Variants in CADPS observed in about 807,000 individuals in gnomAD.
CADPS encodes calcium-dependent secretion activator 1.
CADPS carries 57 observed loss-of-function variants against 167.3 expected under a neutral mutation model. The ratio of observed to expected loss-of-function variants is 0.34; its 90% confidence interval spans 0.28 to 0.42. CADPS has a LOEUF of 0.42. Ranked by LOEUF, CADPS falls within the 20% of genes least tolerant of loss-of-function variation. The probability of loss-of-function intolerance (pLI) is 1.00; values close to 1 mark genes in which losing one functional copy is unlikely to be tolerated. For missense variants in CADPS, 1,414 were observed against 1,738.1 expected (o/e 0.81, Z 3.32); for synonymous variants, 676 against 635.3 (o/e 1.06, Z -0.96).
chr3:62,820,303 G>A lies in CADPS; in HGVS notation c.441+54286C>T, dbSNP rs555269287. Among the ~76,000 whole-genome samples, 6 of 152,226 alleles carry A rather than the reference G, an allele frequency of 3.9e-5. No individual in the cohort carries two copies. The East Asian group carries it at 1.2e-3, about 29-fold the overall frequency. ...TAGCTACTGTGAATTTTCAGTAAGGGAGATAGCACTTTTCTGAAATATTCC... is the reference window on the plus strand; with the variant it reads ...TAGCTACTGTGAATTTTCAGTAAGGAAGATAGCACTTTTCTGAAATATTCC... On this transcript the variant is annotated intron_variant, in intron 1 of 29. Coordinates refer to ENST00000383710, the MANE Select transcript of CADPS (RefSeq NM_003716.4).
At chr3:62,636,110 C>A (rs1471053997) in intron 6 of CADPS, among the ~76,000 whole-genome samples, 5 of 152,150 alleles carry the variant, frequency 3.3e-5, no homozygotes, top group Non-Finnish European at 5.9e-5. Flanking sequence ...AGAATAACAT[C>A]TCTTACATTT....
chr3:62,689,920 G>C (rs2078789467), intron 3 of CADPS, among the ~76,000 whole-genome samples: 1 of 151,998 alleles, frequency 6.6e-6, no homozygotes, highest in Admixed American at 6.6e-5. Context: ...GTATGTTCGA[G>C]GAGATCCCAT....
Position 62,417,273 on chromosome 3 carries a change from A to G in CADPS, c.3778-14088T>C, listed in dbSNP as rs1413767039. On this transcript the variant is annotated intron_variant, in intron 28 of 29. Transcript: ENST00000383710. ...TTAACACAATAACTATTTTTCTTTT[A>G]CTCTTTTTTTTTTTTTTTTTTTTTT... is the stretch of plus-strand genomic sequence containing the variant. Among the ~76,000 whole-genome samples the G allele has an allele frequency of 3.9e-5, 2 of 51,532 alleles. 1 individual carries two copies. 33.8% of individuals were successfully genotyped at this position (51,532 alleles called of 152,430 possible).
At chr3:62,499,572 C>T (rs1392282324) in intron 17 of CADPS, 1 of 219,166 alleles carries the variant, frequency 4.6e-6, no homozygotes, top group South Asian at 8.1e-5. Flanking sequence ...TCTTTAAAGA[C>T]AGCATAAATG....
rs1193761942 is a variant in CADPS at position 62,481,833 on chromosome 3, G to A, written c.3063C>T (p.Pro1021=). Residue 1021 remains proline (P), a synonymous_variant, in exon 22 of 30, where the codon CCC becomes CCT. Transcript: ENST00000383710. ...TTGGTACTTTGGGAAGGTTCACATT[G>A]GGTAGGTTCACATTGGGTAGGTTAC... ...LTSNLPNVNL[P]NVNLPKVPNL... The A allele has an allele frequency of 3.1e-6, 5 of 1,611,454 alleles. No homozygotes were observed. In the Admixed American group the frequency reaches 6.7e-5, roughly 22 times the overall value.
chr3:62,466,672 C>T, intron 24 of CADPS: 1 of 477,550 alleles, frequency 2.1e-6, no homozygotes, highest in Non-Finnish European at 3.8e-6. Flanking sequence ...CACTTAAACA[C>T]TTTTACAAAT....
In CADPS at chr3:62,600,979, A is replaced by G. The variant is rs538841995; in HGVS notation, c.1326-8231T>C. ...TAAAAAAATAGAACTGACCCAGAGGATGGAGTCCTTGACGGAAGGATATGT... is the reference window on the plus strand; with the variant it reads ...TAAAAAAATAGAACTGACCCAGAGGGTGGAGTCCTTGACGGAAGGATATGT... On this transcript the variant is annotated intron_variant, in intron 6 of 29. Coordinates refer to ENST00000383710, the MANE Select transcript of CADPS (RefSeq NM_003716.4). 2.0e-5 allele frequency among the ~76,000 whole-genome samples: 3 copies of G among 152,292 alleles called. No homozygotes were observed. The South Asian group carries it at 6.2e-4, about 32-fold the overall frequency.
chr3:62,770,525 A>G (rs2152536530), intron 1 of CADPS, among the ~76,000 whole-genome samples: 1 of 152,192 alleles, frequency 6.6e-6, no homozygotes, highest in South Asian at 2.1e-4. Flanking sequence ...TCCTAGGTTC[A>G]AGTGATTCTC....
chr3:62,770,475 G>C (rs939038005), intron 1 of CADPS, among the ~76,000 whole-genome samples: 3 of 152,152 alleles, frequency 2.0e-5, no homozygotes, highest in Non-Finnish European at 2.9e-5. Flanking sequence ...GCCCAGGCTG[G>C]AGTGCAGTGG....
intron 6 of CADPS, among the ~76,000 whole-genome samples, chr3:62,594,450 C>T (rs140446375): frequency 0.012 from 1,870 of 152,290 alleles, 40 homozygotes; most frequent in African/African-American, 0.042. Context: ...CGTGAGCCAC[C>T]GCGCCCGGCC....
intron 4 of CADPS, among the ~76,000 whole-genome samples, chr3:62,659,797 C>CTATA (rs1157929783): frequency 6.6e-6 from 1 of 152,144 alleles, no homozygotes; most frequent in Admixed American, 6.6e-5. Flanking sequence ...GACCAGTTAG[C>CTATA]TATATAGCAA....
intron 17 of CADPS, chr3:62,500,610 T>C (rs2065598196): frequency 6.6e-6 from 1 of 152,186 alleles, no homozygotes; most frequent in Non-Finnish European, 1.5e-5. Flanking sequence ...TTTAGTAGAA[T>C]TCCCCAAGTA....
intron 13 of CADPS, among the ~76,000 whole-genome samples, chr3:62,532,246 T>C (rs1434409738): frequency 6.6e-6 from 1 of 152,156 alleles, no homozygotes; most frequent in Non-Finnish European, 1.5e-5. Context: ...TGCCATTCCA[T>C]CTGAGTCATG....
intron 3 of CADPS, among the ~76,000 whole-genome samples, chr3:62,700,077 C>T (rs1044173082): frequency 2.0e-5 from 3 of 152,076 alleles, no homozygotes; most frequent in South Asian, 2.1e-4. Context: ...CTCTACCATG[C>T]TATGGATCTA....
At chr3:62,513,422 T>C (rs1307439051) in intron 16 of CADPS, among the ~76,000 whole-genome samples, 1 of 151,550 alleles carries the variant, frequency 6.6e-6, no homozygotes, top group African/African-American at 2.4e-5. Context: ...CAAATCTGAG[T>C]TTATCACAAA....
At chr3:62,686,477 T>C (rs1158331696) in intron 3 of CADPS, among the ~76,000 whole-genome samples, 1 of 152,044 alleles carries the variant, frequency 6.6e-6, no homozygotes, top group African/African-American at 2.4e-5. Context: ...TTTCCTTGAA[T>C]TTCTGAAGTT....
rs138434131 is a variant in CADPS at position 62,841,810 on chromosome 3, T to C, written c.441+32779A>G. On this transcript the variant is annotated intron_variant, in intron 1 of 29. Coordinates refer to ENST00000383710, the MANE Select transcript of CADPS (RefSeq NM_003716.4). ...TAAGAAGGCACCTTGGAACTATGTC[T>C]GCCAACTACAATTCTGTTTGCCAAA... Among the ~76,000 whole-genome samples the C allele has an allele frequency of 2.8e-3, 432 of 152,352 alleles. 2 individuals are homozygous for C. The highest frequency in any genetic ancestry group is 9.4e-3 in the African/African-American group (389 of 41,584).
At chr3:62,694,626 G>A (rs1300014925) in intron 3 of CADPS, among the ~76,000 whole-genome samples, 1 of 151,996 alleles carries the variant, frequency 6.6e-6, no homozygotes, top group African/African-American at 2.4e-5. Context: ...ACTACCTTAT[G>A]GACTCACAGA....
At position 62,412,984 on chromosome 3, in the gene CADPS, G is replaced by T. The variant is rs533295574; in HGVS notation, c.3778-9799C>A. Among the ~76,000 whole-genome samples, 99 of 152,190 alleles carry T rather than the reference G, an allele frequency of 6.5e-4. 1 individual carries two copies. In the Middle Eastern group the frequency reaches 0.014, roughly 21 times the overall value. ...CTACCCAATCCCACTTTTCAATATG[G>T]CGGGTGGTCATCAGTGAGGAGGTGT... is the stretch of plus-strand genomic sequence containing the variant. On this transcript the variant is annotated intron_variant, in intron 28 of 29. Coordinates refer to ENST00000383710, the MANE Select transcript of CADPS (RefSeq NM_003716.4). This position sits in a 1 kb window ranked among gnomAD's most constrained non-coding sequence, Gnocchi z 4.1.
Sources: allele counts gnomAD v4.1 joint callset (sites outside exome capture counted in the v4.1 genomes callset), GRCh38; gene constraint gnomAD v4.1.1; non-coding constraint Gnocchi (gnomAD v3.1); transcripts MANE v1.5; gene names NCBI Gene and HGNC (gene_info 2026-07-23, HGNC 2026-07-21).